The following SNRNP200 variants were observed in gnomAD, a reference collection of about 807,000 sequenced individuals.
SNRNP200 encodes the protein U5 small nuclear ribonucleoprotein 200 kDa helicase.
In SNRNP200, 66 loss-of-function variants were observed where a neutral mutation model predicts 255.2. The observed-to-expected ratio is 0.26, with a 90% CI of 0.21 to 0.32. The LOEUF is 0.32. SNRNP200 is among the 10% of genes least tolerant of loss of function. The pLI, the probability that SNRNP200 is intolerant of heterozygous loss-of-function variation, is 1.00. For missense variants in SNRNP200, 1,585 were observed against 2,749.8 expected, an observed-to-expected ratio of 0.58 and a Z score of 9.47; for synonymous variants, 939 against 1,027.8, an observed-to-expected ratio of 0.91 and a Z score of 1.65.
intron 36 of SNRNP200, 79 bp from the exon 37 acceptor site, chr2:96,279,077 G>A: frequency 5.9e-6 from 7 of 1,182,078 alleles, no homozygotes; most frequent in Admixed American, 3.5e-5. Flanking sequence ...AAATCAACAG[G>A]GCATGGTCCC....
At position 96,287,085 on chromosome 2, in the gene SNRNP200, G is replaced by A. The variant is rs763897151; in HGVS notation, c.3560C>T (p.Ser1187Leu). The A allele has an allele frequency of 1.9e-6, 3 of 1,614,096 alleles. No individual in the cohort carries two copies. Among genetic ancestry groups the A allele is most frequent in the Non-Finnish European group, 2.5e-6 (3 of 1,179,958 alleles). The change falls in exon 27 of 45, where the codon TCA (serine) becomes TTA (leucine). Residue 1187 changes from serine (S) to leucine (L), a missense_variant. Transcript: ENST00000323853. The surrounding 1 kb of genome is among the most constrained non-coding windows in gnomAD (Gnocchi z 5.7). ...YVHLFPKLELSVHLQPITRST... is the reference protein window; with the variant it reads ...YVHLFPKLELLVHLQPITRST... ...GCGTGTGATAGGCTGCAGGTGCACT[G>A]ACAACTCCAACTTGGGAAACAGATG... is the stretch of plus-strand genomic sequence containing the variant.
chr2:96,293,293 C>T, intron 15 of SNRNP200, 23 bp downstream of exon 15: 2 of 1,611,744 alleles, frequency 1.2e-6, no homozygotes, highest in South Asian at 1.1e-5. Flanking sequence ...CTTGGCAGAA[C>T]TTTGCCCAGT....
intron 35 of SNRNP200, among the ~76,000 whole-genome samples, chr2:96,280,784 G>A (rs2104335596): frequency 6.6e-6 from 1 of 151,006 alleles, no homozygotes; most frequent in South Asian, 2.1e-4. Context: ...TCCTGACCTT[G>A]TGATCCACCC....
chr2:96,285,577 C>A (rs756176812), intron 29 of SNRNP200, among the ~76,000 whole-genome samples: 1 of 152,210 alleles, frequency 6.6e-6, no homozygotes, highest in Non-Finnish European at 1.5e-5. Flanking sequence ...GAGCCCAGGT[C>A]CCCTGGAGAT....
chr2:96,297,325 T>A, intron 11 of SNRNP200, 38 bp downstream of exon 11: 7 of 1,611,476 alleles, frequency 4.3e-6, no homozygotes, highest in African/African-American at 1.3e-5. Context: ...AACCAGGAGG[T>A]GAACTGAGCA....
chr2:96,289,739 T>C (rs2063872137), intron 21 of SNRNP200, 60 bp downstream of exon 21: 4 of 1,548,398 alleles, frequency 2.6e-6, no homozygotes, highest in Admixed American at 1.7e-5. Flanking sequence ...TCTGAAAAAT[T>C]TTTTCCTGGG....
Position 96,289,083 on chromosome 2 carries a change from C to CT in SNRNP200, c.3127dup (p.Arg1043LysfsTer11). On this transcript the variant is annotated frameshift_variant, in exon 23 of 45. Coordinates refer to ENST00000323853, the MANE Select transcript of SNRNP200 (RefSeq NM_014014.5). LOFTEE classifies it high-confidence loss of function. Reference sequence around the variant, plus strand: ...GCTCTCCTTTACAGGGATAGGCACCCTCTCCAGCAACTTCTGCAGCTCCAG... The same window carrying CT: ...GCTCTCCTTTACAGGGATAGGCACCCTTCTCCAGCAACTTCTGCAGCTCCAG... The CT allele has an allele frequency of 6.2e-7, 1 of 1,613,508 alleles. No homozygotes were observed. The highest frequency in any genetic ancestry group is 8.5e-7 in the Non-Finnish European group (1 of 1,179,784).
chr2:96,304,003 C>T (rs2063971251), intron 2 of SNRNP200, among the ~76,000 whole-genome samples: 1 of 151,508 alleles, frequency 6.6e-6, no homozygotes, highest in Non-Finnish European at 1.5e-5. Flanking sequence ...AGCTAGAGAA[C>T]CAAGCTCTAA....
chr2:96,279,074 C>T (rs1247089324), intron 36 of SNRNP200, 76 bp from the exon 37 acceptor site: 1 of 1,200,812 alleles, frequency 8.3e-7, no homozygotes, highest in South Asian at 1.2e-5. Flanking sequence ...GGCAAATCAA[C>T]AGGGCATGGT....
At chr2:96,279,220 G>T in intron 36 of SNRNP200, 1 of 645,222 alleles carries the variant, frequency 1.5e-6, no homozygotes, top group Non-Finnish European at 2.8e-6. Flanking sequence ...CAAGGAGGAA[G>T]GAGAGAACCA....
Position 96,278,305 on chromosome 2 carries a change from T to C in SNRNP200, c.5542A>G (p.Ile1848Val). Residue 1848 changes from isoleucine (I) to valine (V), a missense_variant, in exon 39 of 45, where the codon ATC becomes GTC. By Grantham distance (29) the Ile-to-Val change is conservative. Coordinates refer to ENST00000323853, the MANE Select transcript of SNRNP200 (RefSeq NM_014014.5). The surrounding 1 kb of genome is among the most constrained non-coding windows in gnomAD (Gnocchi z 6.9). ...TCATACTCTGCTGCATTGGAGATGA[T>C]CTCGATAAGCCCTCGCACCTTGGTC... is the stretch of plus-strand genomic sequence containing the variant. Reference protein sequence around the residue: ...AKTKVRGLIEIISNAAEYENI... With the variant: ...AKTKVRGLIEVISNAAEYENI... 1 of 1,614,150 alleles carries C rather than the reference T, an allele frequency of 6.2e-7. No homozygotes were observed. Among genetic ancestry groups the C allele is most frequent in the Non-Finnish European group, 8.5e-7 (1 of 1,180,036 alleles).
Position 96,288,671 on chromosome 2 carries a change from C to T in SNRNP200, c.3250G>A (p.Val1084Ile), listed in dbSNP as rs1180809021. The T allele has an allele frequency of 1.2e-6, 2 of 1,613,862 alleles. No individual in the cohort carries two copies. The highest frequency in any genetic ancestry group is 1.7e-6 in the Non-Finnish European group (2 of 1,179,776). ...GFALMADMVYVTQSAGRLMRA... is the reference protein window; with the variant it reads ...GFALMADMVYITQSAGRLMRA... The stretch of plus-strand genomic sequence containing the variant: ...TACAACTCCGCTCTCACCTGTGTGA[C>T]ATACACCATGTCAGCCATCAGTGCA... Residue 1084 changes from valine to isoleucine, a missense_variant, in exon 24 of 45, where the codon GTC (valine) becomes ATC (isoleucine). Physicochemically the swap from Val to Ile is conservative, Grantham distance 29. This residue lies in a region of SNRNP200 where 719 missense variants were observed against 1,091.1 expected (regional missense o/e 0.66). Coordinates refer to ENST00000323853, the MANE Select transcript of SNRNP200 (RefSeq NM_014014.5).
rs372718424 is a variant in SNRNP200 at position 96,277,745 on chromosome 2, C to T, written c.5755-30G>A. On this transcript the variant is annotated intron_variant, in intron 40 of 44. Transcript: ENST00000323853. This position sits in a 1 kb window ranked among gnomAD's most constrained non-coding sequence, Gnocchi z 4.4. ...ACAGGAAAAGGAGTATAAAAGTGGG[C>T]GGAGTTGGAGCTGAGATGTTTAGAG... is the stretch of plus-strand genomic sequence containing the variant. The T allele has an allele frequency of 2.5e-5, 40 of 1,613,952 alleles. No individual in the cohort carries two copies. The highest frequency in any genetic ancestry group is 8.0e-5 in the African/African-American group (6 of 74,908).
intron 24 of SNRNP200, among the ~76,000 whole-genome samples, chr2:96,288,172 G>A (rs1029374563): frequency 3.3e-5 from 5 of 152,144 alleles, no homozygotes; most frequent in African/African-American, 9.7e-5. Context: ...AGAGTGCTGC[G>A]GCTCAAGGTC....
chr2:96,297,203 A>C, intron 11 of SNRNP200, 133 bp from the exon 12 acceptor site: 5 of 1,499,748 alleles, frequency 3.3e-6, no homozygotes, highest in Non-Finnish European at 4.6e-6. Flanking sequence ...TCCAGAGATC[A>C]ATATTGTCCC....
Position 96,286,890 on chromosome 2 carries a change from G to GC in SNRNP200, c.3640-14dup, listed in dbSNP as rs1195591746. The GC allele has an allele frequency of 1.2e-6, 2 of 1,614,062 alleles. No homozygotes were observed. Among genetic ancestry groups the GC allele is most frequent in the Admixed American group, 3.3e-5 (2 of 60,004 alleles). On this transcript the variant is annotated splice_polypyrimidine_tract_variant and intron_variant, in intron 27 of 44. Coordinates refer to ENST00000323853, the MANE Select transcript of SNRNP200 (RefSeq NM_014014.5). The surrounding 1 kb of genome is among the most constrained non-coding windows in gnomAD (Gnocchi z 4.8). ...ATGAACCATGCACCTGCCAACAGGAGCAAGGGTAAAAGGAATGTGAGTCAA... is the reference window on the plus strand; with the variant it reads ...ATGAACCATGCACCTGCCAACAGGAGCCAAGGGTAAAAGGAATGTGAGTCAA...
At position 96,293,042 on chromosome 2, in the gene SNRNP200, G is replaced by C; in HGVS notation, c.2090C>G (p.Ala697Gly). Residue 697 changes from alanine (A) to glycine (G), a missense_variant, in exon 16 of 45, where the codon GCT (alanine) becomes GGT (glycine). Around this residue, in one of 9 missense-constraint regions of SNRNP200, gnomAD observed 140 missense variants for 274.9 expected, o/e 0.51. Transcript: ENST00000323853. The part of the protein sequence containing the change: ...QTYVGITEKK[A>G]IKRFQIMNEI... ...ATTCATGATCTGGAAACGCTTGATA[G>C]CTTTTTTCTCTGTGATACCCACATA... The C allele has an allele frequency of 6.2e-7, 1 of 1,614,092 alleles. No homozygotes were observed. The highest frequency in any genetic ancestry group is 8.5e-7 in the Non-Finnish European group (1 of 1,179,960).
At chr2:96,289,411 A>C (rs896172900) in intron 21 of SNRNP200, 32 bp from the exon 22 acceptor site, 1 of 1,611,788 alleles carries the variant, frequency 6.2e-7, no homozygotes, top group African/African-American at 1.3e-5. Context: ...TCCAGTGCTG[A>C]CTATTAATGA....
chr2:96,276,441 T>TTTTA, intron 43 of SNRNP200: 1 of 159,366 alleles, frequency 6.3e-6, no homozygotes, highest in Non-Finnish European at 1.4e-5. Context: ...TTTTTTTTTT[T>TTTTA]GAGATGAAGT....
Sources: gnomAD v4.1 joint callset for allele counts (sites outside exome capture counted in the v4.1 genomes callset) on GRCh38, gnomAD v4.1.1 for gene constraint, gnomAD v4.1.1 regional missense constraint, Gnocchi (gnomAD v3.1) non-coding constraint, MANE v1.5 for transcripts, NCBI Gene and HGNC (gene_info 2026-07-23, HGNC 2026-07-21) for gene names.